Variants in COL14A1 observed in about 807,000 individuals in gnomAD.
COL14A1 encodes collagen type XIV alpha 1 chain.
COL14A1 carries 136 observed loss-of-function variants against 230.3 expected under a neutral mutation model. The ratio of observed to expected loss-of-function variants is 0.59; its 90% CI spans 0.51 to 0.68. The LOEUF is 0.68. Among genes scored for constraint, COL14A1 ranks in the 30% least tolerant of loss-of-function variants. COL14A1 has a pLI of 0.00. For missense variants in COL14A1, 1,976 were observed against 2,215.8 expected (o/e 0.89, Z 2.17); for synonymous variants, 792 against 784.1 (o/e 1.01, Z -0.17).
chr8:120,195,584 C>T (rs888277154), intron 5 of COL14A1, among the ~76,000 whole-genome samples: 9 of 152,168 alleles, frequency 5.9e-5, no homozygotes, highest in Admixed American at 2.6e-4. Flanking sequence ...AATGGACTCA[C>T]AGTTCCACAT....
intron 40 of COL14A1, among the ~76,000 whole-genome samples, chr8:120,323,631 A>G (rs116824968): frequency 0.016 from 2,364 of 152,266 alleles, 59 homozygotes; most frequent in African/African-American, 0.055. Flanking sequence ...AATCTTCTGC[A>G]TATTGCTAGC....
At chr8:120,144,689 A>G (rs1472920120) in intron 1 of COL14A1, among the ~76,000 whole-genome samples, 3 of 152,318 alleles carry the variant, frequency 2.0e-5, no homozygotes, top group Admixed American at 1.3e-4. Context: ...TGCAGTTGTC[A>G]ACTTGGAAAA....
chr8:120,247,777 C>T, intron 21 of COL14A1, 42 bp downstream of exon 21: 1 of 1,597,752 alleles, frequency 6.3e-7, no homozygotes, highest in South Asian at 1.1e-5. Flanking sequence ...CATGAGTAGT[C>T]ACTTAAAATG....
intron 34 of COL14A1, among the ~76,000 whole-genome samples, chr8:120,292,166 A>G (rs999623288): frequency 1.3e-5 from 2 of 152,174 alleles, no homozygotes; most frequent in Non-Finnish European, 2.9e-5. Context: ...CGTATACTGT[A>G]TGTAATAATT....
intron 5 of COL14A1, among the ~76,000 whole-genome samples, chr8:120,174,998 C>T (rs148283759): frequency 1.3e-5 from 2 of 152,144 alleles, no homozygotes; most frequent in Non-Finnish European, 2.9e-5. Context: ...TTTAACTATA[C>T]TGCTCTTTGT....
intron 8 of COL14A1, among the ~76,000 whole-genome samples, chr8:120,201,020 A>C (rs1184014161): frequency 6.6e-6 from 1 of 151,738 alleles, no homozygotes; most frequent in Non-Finnish European, 1.5e-5. Context: ...ATGGCTGTTT[A>C]ATAAGTTAGT....
intron 14 of COL14A1, among the ~76,000 whole-genome samples, chr8:120,218,078 T>C (rs1817814022): frequency 7.1e-6 from 1 of 140,432 alleles, no homozygotes; most frequent in Non-Finnish European, 1.5e-5. Context: ...TATATAAATA[T>C]ATAATATATA....
intron 45 of COL14A1, among the ~76,000 whole-genome samples, chr8:120,354,392 TAA>T (rs11326177): frequency 0.052 from 6,887 of 131,458 alleles, 564 homozygotes; most frequent in African/African-American, 0.17. Flanking sequence ...AAAGTATAAT[TAA>T]AAAAAAAAAA....
rs10623652 is a variant in COL14A1, at chr8:120,247,429, G to GA, written c.2480-173dup. 0.87 allele frequency among the ~76,000 whole-genome samples: 130,736 copies of GA among 149,708 alleles called. 57,717 individuals carry two copies. Among genetic ancestry groups the GA allele is most frequent in the Non-Finnish European group, 0.95 (63,765 of 67,344 alleles). ...CAGAGTGAGACTCTGTCTCAAAAAAGAAAAAAAAAAATTGAAAACAACCAC... is the reference window on the plus strand; with the variant it reads ...CAGAGTGAGACTCTGTCTCAAAAAAGAAAAAAAAAAAATTGAAAACAACCAC... On this transcript the variant is annotated intron_variant, in intron 20 of 47. Transcript: ENST00000297848.
At chr8:120,152,727 T>TG (rs914804890) in intron 2 of COL14A1, among the ~76,000 whole-genome samples, 4 of 152,084 alleles carry the variant, frequency 2.6e-5, no homozygotes, top group Non-Finnish European at 4.4e-5. Context: ...AGGAGAAAAA[T>TG]GCGTACAGCA....
At position 120,263,143 on chromosome 8, in the gene COL14A1, T is replaced by A. The variant is rs1171348161; in HGVS notation, c.3016+129T>A. 2.9e-6 allele frequency: 3 copies of A among 1,024,112 alleles called. No homozygotes were observed. In the East Asian group the frequency reaches 8.7e-5, roughly 30 times the overall value. 63.4% of individuals were successfully genotyped at this position (1,024,112 alleles called of 1,614,324 possible). On this transcript the variant is annotated intron_variant, in intron 24 of 47. Coordinates refer to ENST00000297848, the MANE Select transcript of COL14A1 (RefSeq NM_021110.4). ...TCAGGAATATACGTAATACAAGTTT[T>A]GTTCCTCTTACTCAACCCCAGAATT...
chr8:120,208,057 C>G lies in COL14A1; in HGVS notation c.1192-175C>G, dbSNP rs972140210. Among the ~76,000 whole-genome samples the G allele has an allele frequency of 2.6e-5, 4 of 152,214 alleles. No individual in the cohort carries two copies. The South Asian group carries it at 8.3e-4, about 32-fold the overall frequency. ...TTCTAGACACATTCCATAAAAGGTG[C>G]ATCACTTCACTTAGGAATTCAAAGA... On this transcript the variant is annotated intron_variant, in intron 10 of 47. Coordinates refer to ENST00000297848, the MANE Select transcript of COL14A1 (RefSeq NM_021110.4).
chr8:120,209,072 T>C (rs1426385354), intron 11 of COL14A1, among the ~76,000 whole-genome samples: 1 of 152,182 alleles, frequency 6.6e-6, no homozygotes, highest in South Asian at 2.1e-4. Flanking sequence ...CTCTGAACTT[T>C]CTTGGATTTA....
intron 42 of COL14A1, among the ~76,000 whole-genome samples, chr8:120,333,706 G>A (rs960620361): frequency 6.6e-6 from 1 of 152,204 alleles, no homozygotes; most frequent in Non-Finnish European, 1.5e-5. Flanking sequence ...CTGAGTTAAA[G>A]GGAAGGTGTC....
rs1319419475 is a variant in COL14A1 at position 120,280,014 on chromosome 8, C to T, written c.3561C>T (p.Arg1187=). 2 of 1,613,906 alleles carry T rather than the reference C, an allele frequency of 1.2e-6. No homozygotes were observed. The highest frequency in any genetic ancestry group is 2.2e-5 in the South Asian group (2 of 91,084). Residue 1187 remains arginine (R), a synonymous_variant, in exon 29 of 48, where the codon CGC becomes CGT. Transcript: ENST00000297848. ...GCATTGGCAGTAAGCCCAGCGCACG[C>T]CATGTCTTCTTTGTGGATGACTTTG... ...LVSIGSKPSA[R]HVFFVDDFDA...
chr8:120,338,368 T>C (rs1471783632), intron 42 of COL14A1, among the ~76,000 whole-genome samples: 1 of 151,988 alleles, frequency 6.6e-6, no homozygotes, highest in Non-Finnish European at 1.5e-5. Context: ...AGTGGTAGAG[T>C]GTACTCGGGA....
rs201320911 is a variant in COL14A1, at chr8:120,209,736, TA to T, written c.1322-11del. ...ACACATATATAAGTGGCTCAACATT[TA>T]AAAAAAAATCTCTTGCAGTTGCTTT... On this transcript the variant is annotated intron_variant, in intron 11 of 47. Coordinates refer to ENST00000297848, the MANE Select transcript of COL14A1 (RefSeq NM_021110.4). 291 of 1,578,522 alleles carry T rather than the reference TA, an allele frequency of 1.8e-4. No homozygotes were observed. The highest frequency in any genetic ancestry group is 5.3e-4 in the Admixed American group (29 of 54,554).
intron 21 of COL14A1, among the ~76,000 whole-genome samples, chr8:120,248,379 C>A (rs941471389): frequency 6.6e-6 from 1 of 152,060 alleles, no homozygotes; most frequent in African/African-American, 2.4e-5. Context: ...GAAGAGGAGA[C>A]CGTATGCCCC....
rs563686673 is a variant in COL14A1 at position 120,373,271 on chromosome 8, C to A, written c.*2040C>A. Among the ~76,000 whole-genome samples, 11 of 152,252 alleles carry A rather than the reference C, an allele frequency of 7.2e-5. No individual in the cohort carries two copies. The highest frequency in any genetic ancestry group is 2.2e-4 in the African/African-American group (9 of 41,556). On this transcript the variant is annotated 3_prime_UTR_variant, in exon 48 of 48. Transcript: ENST00000297848. ...ATCATTCTTGAGTTGTGCAAATACA[C>A]TTGGCTTTGATTTCACTTGGTGATC...
Sources: allele counts gnomAD v4.1 joint callset (sites outside exome capture counted in the v4.1 genomes callset), GRCh38; gene constraint gnomAD v4.1.1; transcripts MANE v1.5; gene names NCBI Gene and HGNC (gene_info 2026-07-23, HGNC 2026-07-21).